PPP6R2: variants seen among roughly 807,000 people sequenced by gnomAD.
The protein encoded by PPP6R2 is serine/threonine-protein phosphatase 6 regulatory subunit 2.
Under a neutral mutation model 100.2 loss-of-function variants are expected in PPP6R2, and 62 were observed. The observed-to-expected ratio is 0.62, with a 90% confidence interval of 0.50 to 0.76. The LOEUF is 0.76. Ranked by LOEUF, PPP6R2 falls within the 30% of genes least tolerant of loss-of-function variation. The pLI, the probability that PPP6R2 is intolerant of heterozygous loss-of-function variation, is 0.00. For synonymous variants in PPP6R2, 525 were observed against 514.7 expected, an observed-to-expected ratio of 1.02 and a Z score of -0.27; for missense variants, 1,142 against 1,276.3, an observed-to-expected ratio of 0.89 and a Z score of 1.60.
intron 18 of PPP6R2, 37 bp downstream of exon 18, chr22:50,438,335 A>T: frequency 6.3e-7 from 1 of 1,592,374 alleles, no homozygotes; most frequent in African/African-American, 1.3e-5. Flanking sequence ...GCCTCTGCCG[A>T]GGAGGTTCAG....
At chr22:50,385,186 G>C (rs900151131) in intron 2 of PPP6R2, among the ~76,000 whole-genome samples, 9 of 151,822 alleles carry the variant, frequency 5.9e-5, no homozygotes, top group Admixed American at 4.6e-4. Flanking sequence ...TGCCACACTG[G>C]GATTAAGTTT....
chr22:50,437,480 T>TGCCGGGCCG, intron 15 of PPP6R2, 26 bp from the exon 16 acceptor site: 1 of 728,390 alleles, frequency 1.4e-6, no homozygotes, highest in Non-Finnish European at 2.5e-6. Flanking sequence ...TGTCTGTCCG[T>TGCCGGGCCG]CCCTCCCTCC....
chr22:50,352,633 A>G (rs759427947), intron 1 of PPP6R2, among the ~76,000 whole-genome samples: 4 of 151,492 alleles, frequency 2.6e-5, no homozygotes, highest in Non-Finnish European at 4.4e-5. Context: ...GCTGAAGCAC[A>G]AGAATTGCTT....
chr22:50,402,064 T>C (rs930835411), intron 3 of PPP6R2, among the ~76,000 whole-genome samples: 15 of 152,154 alleles, frequency 9.9e-5, no homozygotes, highest in Admixed American at 5.2e-4. Flanking sequence ...AGTTTCCTTC[T>C]GTTCTCTACA....
intron 12 of PPP6R2, among the ~76,000 whole-genome samples, chr22:50,433,227 A>T (rs375074013): frequency 3.8e-3 from 261 of 69,414 alleles, no homozygotes; most frequent in Middle Eastern, 0.012. Context: ...GGAGGAGGGC[A>T]GGGGGCGCGG....
rs2061548692 is a variant in PPP6R2 at position 50,423,070 on chromosome 22, G to A, written c.973-392G>A. Reference sequence around the variant, plus strand: ...TGTTCATGGGACACTTGTTAGCTTGGTGTTCTGAGATTGTGGCCGCAGAGG... The same window carrying A: ...TGTTCATGGGACACTTGTTAGCTTGATGTTCTGAGATTGTGGCCGCAGAGG... On this transcript the variant is annotated intron_variant, in intron 9 of 23. Coordinates refer to ENST00000612753, the MANE Select transcript of PPP6R2 (RefSeq NM_001242898.2). The surrounding 1 kb of genome is among the most constrained non-coding windows in gnomAD (Gnocchi z 4.8). 6.6e-6 allele frequency among the ~76,000 whole-genome samples: 1 copy of A among 152,168 alleles called. No individual in the cohort carries two copies.
chr22:50,364,000 T>A (rs1448713735), intron 1 of PPP6R2, among the ~76,000 whole-genome samples: 1 of 151,916 alleles, frequency 6.6e-6, no homozygotes, highest in Non-Finnish European at 1.5e-5. Flanking sequence ...GTTCAGGCGA[T>A]TCTCCTGCCT....
At chr22:50,427,031 A>G (rs1187466594) in intron 10 of PPP6R2, among the ~76,000 whole-genome samples, 1 of 151,542 alleles carries the variant, frequency 6.6e-6, no homozygotes, top group East Asian at 1.9e-4. Context: ...TGCTAAAAAT[A>G]TGAAAAAATT....
intron 1 of PPP6R2, among the ~76,000 whole-genome samples, chr22:50,370,436 T>C (rs193095011): frequency 6.1e-4 from 92 of 151,426 alleles, no homozygotes; most frequent in Middle Eastern, 6.8e-3. Flanking sequence ...TACAGGCGCC[T>C]GCCACCACGC....
At chr22:50,411,756 A>C (rs1205190684) in intron 4 of PPP6R2, among the ~76,000 whole-genome samples, 1 of 151,590 alleles carries the variant, frequency 6.6e-6, no homozygotes, top group Non-Finnish European at 1.5e-5. Flanking sequence ...TGTCTCAAAC[A>C]AAAACAAGGC....
intron 2 of PPP6R2, among the ~76,000 whole-genome samples, chr22:50,382,208 T>G (rs2053220204): frequency 6.6e-6 from 1 of 152,194 alleles, no homozygotes; most frequent in Admixed American, 6.6e-5. Flanking sequence ...GTGATACTAT[T>G]ATGTATGTAG....
At chr22:50,367,442 G>T (rs2148439640) in intron 1 of PPP6R2, among the ~76,000 whole-genome samples, 1 of 152,286 alleles carries the variant, frequency 6.6e-6, no homozygotes, top group Admixed American at 6.5e-5. Context: ...GTGGGAGAGT[G>T]TAGGAGGCTG....
rs959278409 is a variant in PPP6R2 at position 50,408,109 on chromosome 22, A to G, written c.414+1234A>G. Among the ~76,000 whole-genome samples the G allele has an allele frequency of 2.0e-5, 3 of 151,916 alleles. No individual in the cohort carries two copies. In the South Asian group the frequency reaches 6.3e-4, roughly 32 times the overall value. On this transcript the variant is annotated intron_variant, in intron 4 of 23. Coordinates refer to ENST00000612753, the MANE Select transcript of PPP6R2 (RefSeq NM_001242898.2). ...CCCATGTTACCCAGGCTGGTTTCGA[A>G]CTCTTGGGCTCAAGTGATCTGCCTG...
At chr22:50,428,919 T>C (rs553108285) in intron 10 of PPP6R2, among the ~76,000 whole-genome samples, 1 of 152,346 alleles carries the variant, frequency 6.6e-6, no homozygotes, top group South Asian at 2.1e-4. Context: ...AAGCTTTCAG[T>C]CTTTCAGCAT....
chr22:50,395,056 A>T (rs2056488588), intron 3 of PPP6R2, among the ~76,000 whole-genome samples: 1 of 151,998 alleles, frequency 6.6e-6, no homozygotes, highest in African/African-American at 2.4e-5. Context: ...CATGCTAGAG[A>T]TGCAGGTGTT....
At chr22:50,381,234 CCACACGGGCCCCACCTCAGCAT>C (rs2052864615) in intron 2 of PPP6R2, among the ~76,000 whole-genome samples, 3 of 150,190 alleles carry the variant, frequency 2.0e-5, no homozygotes, top group Non-Finnish European at 4.4e-5. Flanking sequence ...GCATGGGGCA[CCACACGGGCCCCACCTCAGCAT>C]CACACGGGCC....
intron 22 of PPP6R2, among the ~76,000 whole-genome samples, chr22:50,442,447 G>A (rs1054768961): frequency 1.6e-4 from 25 of 152,344 alleles, no homozygotes; most frequent in African/African-American, 5.8e-4. Context: ...GCCGTTTCCC[G>A]ATGCCGGCAG....
intron 3 of PPP6R2, among the ~76,000 whole-genome samples, chr22:50,395,308 G>A (rs2056547543): frequency 6.6e-6 from 1 of 152,198 alleles, no homozygotes; most frequent in African/African-American, 2.4e-5. Context: ...GCAGTGTGGC[G>A]AGATGGCTGG....
intron 12 of PPP6R2, 42 bp from the exon 13 acceptor site, chr22:50,434,924 T>C: frequency 6.4e-7 from 1 of 1,561,650 alleles, no homozygotes; most frequent in Non-Finnish European, 8.7e-7. Flanking sequence ...TCTGGCAAGG[T>C]CGGGGCCAGG....
Sources: gnomAD v4.1 joint callset for allele counts (sites outside exome capture counted in the v4.1 genomes callset) on GRCh38, gnomAD v4.1.1 for gene constraint, Gnocchi (gnomAD v3.1) non-coding constraint, MANE v1.5 for transcripts, NCBI Gene and HGNC (gene_info 2026-07-23, HGNC 2026-07-21) for gene names.